The following WDFY3 variants were observed in gnomAD, a reference collection of about 807,000 sequenced individuals.
WDFY3 encodes the protein WD repeat and FYVE domain-containing protein 3.
A neutral mutation model predicts 409.6 loss-of-function variants in WDFY3; 66 were observed. The ratio of observed to expected loss-of-function variants is 0.16; its 90% confidence interval spans 0.13 to 0.20. The LOEUF (loss-of-function observed/expected upper bound fraction) is 0.20. Among genes scored for constraint, WDFY3 ranks in the 10% least tolerant of loss-of-function variants. The pLI is 1.00. For synonymous variants in WDFY3, 1,521 were observed against 1,537.1 expected, an observed-to-expected ratio of 0.99 and a Z score of 0.25; for missense variants, 3,031 against 4,298.1, an observed-to-expected ratio of 0.71 and a Z score of 8.24.
chr4:84,731,312 G>A (rs1221333006), intron 44 of WDFY3, among the ~76,000 whole-genome samples: 3 of 152,030 alleles, frequency 2.0e-5, no homozygotes, highest in South Asian at 2.1e-4. Context: ...TAACTCTGCC[G>A]GAATGCACAT....
At chr4:84,740,112 A>T in intron 39 of WDFY3, 75 bp downstream of exon 39, 2 of 1,371,904 alleles carry the variant, frequency 1.5e-6, no homozygotes, top group Non-Finnish European at 2.0e-6. Flanking sequence ...TGTTACTATC[A>T]AAAAAAATAA....
At chr4:84,911,440 T>A (rs925557622) in intron 2 of WDFY3, among the ~76,000 whole-genome samples, 1 of 152,110 alleles carries the variant, frequency 6.6e-6, no homozygotes, top group Admixed American at 6.6e-5. Context: ...TGAGGTATAA[T>A]CGCACCACTA....
At chr4:84,677,424 C>T in intron 66 of WDFY3, 28 bp from the exon 67 acceptor site, 1 of 1,554,598 alleles carries the variant, frequency 6.4e-7, no homozygotes. Context: ...GAGGAGGTCA[C>T]TGCACGGAAG....
intron 10 of WDFY3, among the ~76,000 whole-genome samples, chr4:84,823,104 A>C (rs1490948732): frequency 6.6e-6 from 1 of 152,192 alleles, no homozygotes; most frequent in African/African-American, 2.4e-5. Flanking sequence ...GCTTATTATA[A>C]AGCTACAGCA....
At chr4:84,864,891 T>C (rs542008694) in intron 3 of WDFY3, among the ~76,000 whole-genome samples, 41 of 130,018 alleles carry the variant, frequency 3.2e-4, no homozygotes, top group African/African-American at 1.3e-3. Flanking sequence ...TACATAAATC[T>C]TTTTTTTTTC....
In WDFY3 at chr4:84,829,338, A is replaced by G. The variant is rs1323043955; in HGVS notation, c.770-148T>C. The G allele has an allele frequency of 1.5e-5, 10 of 651,772 alleles. No homozygotes were observed. In the East Asian group the frequency reaches 3.0e-4, roughly 19 times the overall value. The allele number at this position is 651,772 out of a possible 1,614,324, so 40.4% of individuals were successfully genotyped here. On this transcript the variant is annotated intron_variant, in intron 8 of 67. Transcript: ENST00000295888. ...TAAATGTAACACATTCTAAAAGTCA[A>G]TATAAGAGTCATATGCATTGGGAAA...
At chr4:84,742,968 T>C (rs1738717652) in intron 37 of WDFY3, among the ~76,000 whole-genome samples, 1 of 152,212 alleles carries the variant, frequency 6.6e-6, no homozygotes, top group Non-Finnish European at 1.5e-5. Flanking sequence ...GTAGTATGAC[T>C]GCTCTAAACT....
chr4:84,836,013 T>C (rs1460290641), intron 7 of WDFY3, among the ~76,000 whole-genome samples: 7 of 152,200 alleles, frequency 4.6e-5, no homozygotes, highest in Non-Finnish European at 7.3e-5. Context: ...TTTTTAACTG[T>C]TGATTGGGTT....
chr4:84,719,193 C>A (rs1299856025), intron 47 of WDFY3, among the ~76,000 whole-genome samples: 4 of 152,102 alleles, frequency 2.6e-5, no homozygotes, highest in Admixed American at 6.6e-5. Context: ...TTCCATCATA[C>A]CCCCTGGAAA....
intron 21 of WDFY3, 150 bp downstream of exon 21, chr4:84,794,369 G>A: frequency 1.2e-6 from 1 of 801,198 alleles, no homozygotes; most frequent in Non-Finnish European, 1.9e-6. Flanking sequence ...AAATTCACTG[G>A]TAAGCAATAT....
chr4:84,937,072 T>C (rs1442893471), intron 1 of WDFY3, among the ~76,000 whole-genome samples: 1 of 152,180 alleles, frequency 6.6e-6, no homozygotes, highest in African/African-American at 2.4e-5. Flanking sequence ...CTTTGATTCC[T>C]TTTTTAGCAA....
chr4:84,921,270 C>T (rs1184778855), intron 2 of WDFY3, among the ~76,000 whole-genome samples: 1 of 149,978 alleles, frequency 6.7e-6, no homozygotes, highest in African/African-American at 2.5e-5. Flanking sequence ...AACATAAGAA[C>T]CCTGGAAGAA....
chr4:84,796,777 G>A (rs1749522942), intron 18 of WDFY3, 25 bp from the exon 19 acceptor site: 1 of 1,566,792 alleles, frequency 6.4e-7, no homozygotes, highest in Non-Finnish European at 8.7e-7. Flanking sequence ...AATCTCTTGG[G>A]AAAATGTCAT....
At chr4:84,824,957 A>T (rs1754635652) in intron 10 of WDFY3, among the ~76,000 whole-genome samples, 1 of 152,138 alleles carries the variant, frequency 6.6e-6, no homozygotes, top group Non-Finnish European at 1.5e-5. Flanking sequence ...GAAGAAACTG[A>T]TGTTTAGAAA....
At position 84,714,073 on chromosome 4, in the gene WDFY3, G is replaced by A. The variant is rs577548431; in HGVS notation, c.7962-834C>T. On this transcript the variant is annotated intron_variant, in intron 50 of 67. Transcript: ENST00000295888. The stretch of plus-strand genomic sequence containing the variant: ...GGAAGTTGCAGTGAGCCGAGATTGC[G>A]CCACTGCACTCCAGCCTGGTGACAG... 1.1e-3 allele frequency among the ~76,000 whole-genome samples: 172 copies of A among 151,800 alleles called. 2 individuals are homozygous for A. Among genetic ancestry groups the A allele is most frequent in the African/African-American group, 3.8e-3 (157 of 41,402 alleles).
At chr4:84,962,518 A>G (rs1775041155) in intron 1 of WDFY3, among the ~76,000 whole-genome samples, 1 of 152,156 alleles carries the variant, frequency 6.6e-6, no homozygotes, top group Non-Finnish European at 1.5e-5. Flanking sequence ...ATGACAGGGC[A>G]TGAGTGAACT....
intron 18 of WDFY3, among the ~76,000 whole-genome samples, chr4:84,796,992 T>C (rs762188321): frequency 3.3e-5 from 5 of 152,142 alleles, no homozygotes; most frequent in Non-Finnish European, 7.4e-5. Flanking sequence ...TAAATAAAAA[T>C]AAACATCTCA....
chr4:84,810,276 C>T lies in WDFY3; in HGVS notation c.1956G>A (p.Val652=), dbSNP rs774023722. ...RTVFRKVGGF[V]YITSLLVAME... is the part of the protein sequence containing the mutation. ...TAGCAACGAGCAAGGATGTAATGTA[C>T]ACAAATCCTCCAACTTTCCTAAAAA... The change falls in exon 14 of 68, where the codon GTG becomes GTA. Residue 652 remains valine (V), a synonymous_variant. Transcript: ENST00000295888. 19 of 1,613,014 alleles carry T rather than the reference C, an allele frequency of 1.2e-5. No individual in the cohort carries two copies. The highest frequency in any genetic ancestry group is 1.4e-5 in the Non-Finnish European group (17 of 1,179,652).
At chr4:84,715,659 C>T (rs1733751987) in intron 49 of WDFY3, among the ~76,000 whole-genome samples, 1 of 151,202 alleles carries the variant, frequency 6.6e-6, no homozygotes, top group South Asian at 2.1e-4. Context: ...CCTGTAGTCC[C>T]AGCTACTCGG....
Sources: gnomAD v4.1 joint callset for allele counts (sites outside exome capture counted in the v4.1 genomes callset) on GRCh38, gnomAD v4.1.1 for gene constraint, MANE v1.5 for transcripts, NCBI Gene and HGNC (gene_info 2026-07-23, HGNC 2026-07-21) for gene names.